Variants in ARMC8 observed in about 807,000 individuals in gnomAD.
ARMC8 encodes the protein armadillo repeat containing 8, also known as armadillo repeat-containing protein 8.
In ARMC8, 20 loss-of-function variants were observed where a neutral mutation model predicts 99.3. That is an observed-to-expected ratio of 0.20 (90% CI 0.14 to 0.29). The LOEUF is 0.29. Ranked by LOEUF, ARMC8 falls within the 10% of genes least tolerant of loss-of-function variation. The probability of loss-of-function intolerance (pLI) is 1.00; values close to 1 mark genes in which losing one functional copy is unlikely to be tolerated. For synonymous variants in ARMC8, 263 were observed against 278.3 expected, an observed-to-expected ratio of 0.95 and a Z score of 0.55; for missense variants, 569 against 809.5, an observed-to-expected ratio of 0.70 and a Z score of 3.60.
chr3:138,242,015 G>C (rs2046648827), intron 11 of ARMC8, 32 bp downstream of exon 11: 1 of 1,591,188 alleles, frequency 6.3e-7, no homozygotes, highest in African/African-American at 1.3e-5. Context: ...GCAGCTCAAG[G>C]GAGATTTTTC....
intron 1 of ARMC8, among the ~76,000 whole-genome samples, chr3:138,197,497 A>C (rs1319537042): frequency 6.6e-6 from 1 of 152,220 alleles, no homozygotes; most frequent in Non-Finnish European, 1.5e-5. Context: ...GGGCCAGGAC[A>C]ACACCTCACC....
intron 5 of ARMC8, among the ~76,000 whole-genome samples, chr3:138,227,443 C>G (rs968570290): frequency 4.1e-4 from 62 of 152,316 alleles, no homozygotes; most frequent in African/African-American, 1.4e-3. Flanking sequence ...CCCGACTTGA[C>G]ATTTTCCTTT....
intron 7 of ARMC8, among the ~76,000 whole-genome samples, chr3:138,235,575 C>T (rs749139364): frequency 2.6e-5 from 4 of 152,094 alleles, no homozygotes; most frequent in South Asian, 4.1e-4. Flanking sequence ...TAACTAATTA[C>T]GTTTTCTTTT....
intron 1 of ARMC8, among the ~76,000 whole-genome samples, chr3:138,206,417 C>T (rs551598594): frequency 1.3e-5 from 2 of 152,208 alleles, no homozygotes; most frequent in South Asian, 2.1e-4. Context: ...TCTCCTGCTG[C>T]TTTCTCCTTT....
intron 16 of ARMC8, 146 bp from the exon 17 acceptor site, chr3:138,272,821 G>A (rs375888131): frequency 2.4e-5 from 15 of 621,678 alleles, no homozygotes; most frequent in African/African-American, 5.7e-5. Context: ...GCAGTGAGCC[G>A]TTATTGTGCC....
chr3:138,266,741 C>G (rs1353991207), intron 14 of ARMC8, among the ~76,000 whole-genome samples: 3 of 152,176 alleles, frequency 2.0e-5, no homozygotes, highest in Non-Finnish European at 4.4e-5. Context: ...TGCTCCTGGT[C>G]AAACAAGCCC....
intron 5 of ARMC8, among the ~76,000 whole-genome samples, chr3:138,227,159 G>T (rs1398552151): frequency 6.6e-6 from 1 of 152,146 alleles, no homozygotes; most frequent in Non-Finnish European, 1.5e-5. Flanking sequence ...GTGATTTTGG[G>T]CAAATTTCAT....
At chr3:138,201,436 C>CCTT (rs2044064743) in intron 1 of ARMC8, among the ~76,000 whole-genome samples, 5 of 64,932 alleles carry the variant, frequency 7.7e-5, no homozygotes, top group Non-Finnish European at 1.7e-4. Flanking sequence ...CTTCCCCTCC[C>CCTT]TTTTTTTTTT....
chr3:138,258,069 T>G (rs1224404187), intron 12 of ARMC8, among the ~76,000 whole-genome samples: 1 of 152,204 alleles, frequency 6.6e-6, no homozygotes, highest in African/African-American at 2.4e-5. Context: ...AAAGCCTATT[T>G]GGAATTAAAT....
At chr3:138,240,220 G>A (rs1045713793) in intron 10 of ARMC8, among the ~76,000 whole-genome samples, 4 of 152,048 alleles carry the variant, frequency 2.6e-5, no homozygotes, top group Non-Finnish European at 5.9e-5. Context: ...TGTCTTATTA[G>A]CTATAAAAAA....
In ARMC8 at chr3:138,264,222, A is replaced by G. The variant is rs769426335; in HGVS notation, c.1299+10A>G. 9.9e-5 allele frequency: 160 copies of G among 1,612,498 alleles called. No homozygotes were observed. The highest frequency in any genetic ancestry group is 1.3e-4 in the Non-Finnish European group (153 of 1,178,734). On this transcript the variant is annotated intron_variant, in intron 14 of 21. Coordinates refer to ENST00000469044, the MANE Select transcript of ARMC8 (RefSeq NM_001363941.2). ...GAAACCTTTAATGAAGGTAAGAAGA[A>G]AGGGTCAGCCAGTAACAGCTGTACT...
intron 15 of ARMC8, among the ~76,000 whole-genome samples, chr3:138,268,968 G>GT (rs1223632643): frequency 1.3e-5 from 2 of 151,956 alleles, no homozygotes; most frequent in Non-Finnish European, 2.9e-5. Flanking sequence ...TAATATCCTT[G>GT]TTTTTAGGAA....
chr3:138,221,805 G>GA lies in ARMC8; in HGVS notation c.123-115dup, dbSNP rs3215288. 297 of 731,930 alleles carry GA rather than the reference G, an allele frequency of 4.1e-4. No individual in the cohort carries two copies. In the East Asian group the frequency reaches 8.0e-3, roughly 20 times the overall value. 45.3% of individuals were successfully genotyped at this position (731,930 alleles called of 1,614,324 possible). On this transcript the variant is annotated intron_variant, in intron 2 of 21. Transcript: ENST00000469044. ...CTATCCCTTCATTAGTACTTTAGGTGAAAAAAGGTTAGTGCTTTTACTTTG... is the reference window on the plus strand; with the variant it reads ...CTATCCCTTCATTAGTACTTTAGGTGAAAAAAAGGTTAGTGCTTTTACTTTG...
At chr3:138,280,400 C>T (rs1257614335) in intron 18 of ARMC8, among the ~76,000 whole-genome samples, 1 of 151,918 alleles carries the variant, frequency 6.6e-6, no homozygotes, top group Non-Finnish European at 1.5e-5. Flanking sequence ...TCACTGCAGC[C>T]TCCACCTCCT....
chr3:138,205,890 G>C (rs1427914021), intron 1 of ARMC8, among the ~76,000 whole-genome samples: 2 of 152,096 alleles, frequency 1.3e-5, no homozygotes, highest in African/African-American at 4.8e-5. Flanking sequence ...TCCTAACAAT[G>C]ACCAACAAAG....
chr3:138,221,396 AGACT>A (rs1299776295), intron 2 of ARMC8, among the ~76,000 whole-genome samples: 2 of 152,238 alleles, frequency 1.3e-5, no homozygotes, highest in African/African-American at 2.4e-5. Context: ...TATCACTTGA[AGACT>A]GACTGTGATA....
chr3:138,216,772 A>G (rs887970318), intron 2 of ARMC8, among the ~76,000 whole-genome samples: 10 of 152,196 alleles, frequency 6.6e-5, no homozygotes, highest in Admixed American at 2.0e-4. Context: ...TATCCAGTGT[A>G]GTTTTTGGCT....
chr3:138,274,655 A>G lies in ARMC8; in HGVS notation c.1725+111A>G, dbSNP rs2049101544. The stretch of plus-strand genomic sequence containing the variant: ...GCAGAAGACAGAGTGCTGAGATGGG[A>G]GATGCTCTAGAAATAGGAAGAAATA... On this transcript the variant is annotated intron_variant, in intron 18 of 21. Transcript: ENST00000469044. 3 of 736,568 alleles carry G rather than the reference A, an allele frequency of 4.1e-6. No homozygotes were observed. The Admixed American group carries it at 7.9e-5, about 19-fold the overall frequency. 45.6% of individuals were successfully genotyped at this position (736,568 alleles called of 1,614,324 possible).
chr3:138,274,306 CTG>C (rs2049067561), intron 17 of ARMC8, 141 bp from the exon 18 acceptor site: 1 of 586,740 alleles, frequency 1.7e-6, no homozygotes, highest in Non-Finnish European at 3.0e-6. Flanking sequence ...ATAATAAACA[CTG>C]TTCTTTGGCA....
Sources: gnomAD v4.1 joint callset for allele counts (sites outside exome capture counted in the v4.1 genomes callset) on GRCh38, gnomAD v4.1.1 for gene constraint, MANE v1.5 for transcripts, NCBI Gene and HGNC (gene_info 2026-07-23, HGNC 2026-07-21) for gene names.